Variants in MPHOSPH6 observed in about 807,000 individuals in gnomAD.
MPHOSPH6 encodes M-phase phosphoprotein 6.
Under a neutral mutation model 21.8 loss-of-function variants are expected in MPHOSPH6, and 25 were observed. The observed-to-expected ratio is 1.15, with a 90% confidence interval of 0.83 to 1.60. The LOEUF is 1.60. Ranked by LOEUF, MPHOSPH6 falls within the 40% of genes most tolerant of loss-of-function variation. The probability of loss-of-function intolerance (pLI) is 0.00; values close to 1 mark genes in which losing one functional copy is unlikely to be tolerated. For missense variants in MPHOSPH6, 269 were observed against 181.8 expected (o/e 1.48, Z -2.76); for synonymous variants, 84 against 56.5 (o/e 1.49, Z -2.18).
chr16:82,167,134 A>G (rs1403859689), intron 1 of MPHOSPH6, among the ~76,000 whole-genome samples: 2 of 152,210 alleles, frequency 1.3e-5, no homozygotes, highest in African/African-American at 2.4e-5. Context: ...TAAGACCAAA[A>G]TATTTATCAT....
intron 1 of MPHOSPH6, among the ~76,000 whole-genome samples, chr16:82,166,173 G>C (rs2142419502): frequency 6.6e-6 from 1 of 152,246 alleles, no homozygotes; most frequent in Non-Finnish European, 1.5e-5. Flanking sequence ...AGGACGCACG[G>C]GATATCCCTG....
At chr16:82,157,962 G>C (rs772784009) in intron 2 of MPHOSPH6, among the ~76,000 whole-genome samples, 2 of 152,194 alleles carry the variant, frequency 1.3e-5, no homozygotes, top group Non-Finnish European at 2.9e-5. Context: ...GACATTTGCA[G>C]ACTGTGCAAA....
At chr16:82,156,194 A>G (rs993328907) in intron 2 of MPHOSPH6, among the ~76,000 whole-genome samples, 5 of 152,166 alleles carry the variant, frequency 3.3e-5, no homozygotes, top group African/African-American at 1.2e-4. Flanking sequence ...CACTATATAT[A>G]TATGTGGCAA....
intron 1 of MPHOSPH6, 91 bp from the exon 2 acceptor site, chr16:82,164,285 T>G (rs1363832941): frequency 1.3e-6 from 1 of 782,874 alleles, no homozygotes; most frequent in African/African-American, 1.7e-5. Context: ...CTTGTTCTCC[T>G]TCATTTATCT....
chr16:82,151,469 A>G lies in MPHOSPH6; in HGVS notation c.210T>C (p.Leu70=), dbSNP rs763873441. The change falls in exon 3 of 5, where the codon CTT becomes CTC. Residue 70 remains leucine, a synonymous_variant. Transcript: ENST00000258169. ...EEQSFLLCED[L]LYGRMSFRGF... ...CTCTGAATGACATTCTTCCATAGAG[A>G]AGATCTTCACATAGTAAGAAACTCT... 6.2e-6 allele frequency: 10 copies of G among 1,607,036 alleles called. No individual in the cohort carries two copies. The East Asian group carries it at 2.0e-4, about 32-fold the overall frequency.
intron 2 of MPHOSPH6, among the ~76,000 whole-genome samples, chr16:82,162,657 C>G (rs1906643151): frequency 6.6e-6 from 1 of 152,338 alleles, no homozygotes; most frequent in Middle Eastern, 3.4e-3. Context: ...AGGTGCTGCA[C>G]TGCCCCGAGG....
upstream of MPHOSPH6, chr16:82,170,224 TGC>T: frequency 6.5e-7 from 1 of 1,548,690 alleles, no homozygotes. Context: ...TCACCGCACA[TGC>T]GCGGAGCCGC....
intron 2 of MPHOSPH6, among the ~76,000 whole-genome samples, chr16:82,160,468 T>C (rs1230660855): frequency 6.6e-6 from 1 of 152,236 alleles, no homozygotes; most frequent in East Asian, 1.9e-4. Context: ...CCGGTTGCTC[T>C]GGACTATCTT....
In MPHOSPH6 at chr16:82,149,327, T is replaced by C; in HGVS notation, c.332A>G (p.Asp111Gly). The C allele has an allele frequency of 1.2e-6, 2 of 1,613,360 alleles. No homozygotes were observed. Among genetic ancestry groups the C allele is most frequent in the Non-Finnish European group, 1.7e-6 (2 of 1,180,012 alleles). The change falls in exon 4 of 5, where the codon GAT becomes GGT. Residue 111 changes from aspartate to glycine, a missense_variant. Transcript: ENST00000258169. ...EDETVELDVS[D>G]EEMARRYETL... The stretch of plus-strand genomic sequence containing the variant: ...CGGTTACCTTCTAGCCATCTCTTCA[T>C]CTGACACATCAAGCTCTACTGTTTC...
At chr16:82,168,854 T>C (rs1906877409) in intron 1 of MPHOSPH6, among the ~76,000 whole-genome samples, 1 of 152,196 alleles carries the variant, frequency 6.6e-6, no homozygotes, top group South Asian at 2.1e-4. Context: ...AGTTTGCTAC[T>C]CTCTAGAAGT....
intron 2 of MPHOSPH6, among the ~76,000 whole-genome samples, chr16:82,155,061 A>G (rs1047292857): frequency 9.9e-5 from 15 of 152,266 alleles, no homozygotes; most frequent in African/African-American, 3.1e-4. Context: ...TCTGATATTC[A>G]AAAGTCAATA....
intron 2 of MPHOSPH6, among the ~76,000 whole-genome samples, chr16:82,155,297 G>C (rs950390614): frequency 9.2e-5 from 14 of 152,136 alleles, no homozygotes; most frequent in Non-Finnish European, 1.6e-4. Context: ...TACTCTTGTC[G>C]TTTCTATTCA....
chr16:82,152,314 T>C (rs1353960664), intron 2 of MPHOSPH6, among the ~76,000 whole-genome samples: 1 of 152,156 alleles, frequency 6.6e-6, no homozygotes, highest in Non-Finnish European at 1.5e-5. Context: ...CAAATTCTTA[T>C]TACAAATCCA....
chr16:82,160,807 C>A (rs1906583151), intron 2 of MPHOSPH6, among the ~76,000 whole-genome samples: 2 of 152,102 alleles, frequency 1.3e-5, no homozygotes, highest in East Asian at 3.9e-4. Context: ...GGAGACACTA[C>A]TCCCAAAATA....
chr16:82,157,231 G>A (rs12447673), intron 2 of MPHOSPH6, among the ~76,000 whole-genome samples: 17,916 of 152,142 alleles, frequency 0.12, 1,299 homozygotes, highest in East Asian at 0.29. Flanking sequence ...CTTAGTGAAA[G>A]TGTTATAACA....
intron 1 of MPHOSPH6, among the ~76,000 whole-genome samples, chr16:82,167,091 G>C (rs1005286351): frequency 4.0e-5 from 6 of 150,764 alleles, no homozygotes; most frequent in Non-Finnish European, 5.9e-5. Context: ...CACTGGCAGA[G>C]CTGAGTAGTT....
rs141453316 is a variant in MPHOSPH6 at position 82,148,566 on chromosome 16, C to A, written c.*165G>T. 6.2e-4 allele frequency: 516 copies of A among 826,038 alleles called. 4 individuals are homozygous for A. In the East Asian group the frequency reaches 0.013, roughly 21 times the overall value. 51.2% of individuals were successfully genotyped at this position (826,038 alleles called of 1,614,324 possible). A position where few individuals can be genotyped will look rare whatever the true frequency, so the allele number is the denominator to read the frequency against. ...ATACCAAGAAGCAAAGGATGTACAA[C>A]ATCCATCACACATCTGTTTCAAAAA... On this transcript the variant is annotated 3_prime_UTR_variant, in exon 5 of 5. Transcript: ENST00000258169.
intron 1 of MPHOSPH6, chr16:82,167,688 G>C (rs1906828740): frequency 6.6e-6 from 1 of 152,438 alleles, no homozygotes; most frequent in East Asian, 1.9e-4. Flanking sequence ...ACAGTTCACA[G>C]TAGGGTTTCT....
chr16:82,160,930 G>T (rs995148063), intron 2 of MPHOSPH6, among the ~76,000 whole-genome samples: 2 of 150,664 alleles, frequency 1.3e-5, no homozygotes, highest in African/African-American at 4.9e-5. Context: ...CACATAAGAG[G>T]TGCCCTCCCT....
Sources: allele counts gnomAD v4.1 joint callset (sites outside exome capture counted in the v4.1 genomes callset), GRCh38; gene constraint gnomAD v4.1.1; transcripts MANE v1.5; gene names NCBI Gene and HGNC (gene_info 2026-07-23, HGNC 2026-07-21).